The following MAST2 variants were observed in gnomAD, a reference collection of about 807,000 sequenced individuals.
MAST2 encodes microtubule associated serine/threonine kinase 2, also known as microtubule-associated serine/threonine-protein kinase 2.
MAST2 carries 70 observed loss-of-function variants against 147.4 expected under a neutral mutation model. The observed-to-expected ratio is 0.47, with a 90% CI of 0.39 to 0.58. The LOEUF (loss-of-function observed/expected upper bound fraction) is 0.58. MAST2 is among the 20% of genes least tolerant of loss of function. The pLI is 0.00. For missense variants in MAST2, 2,080 were observed against 2,302.3 expected (o/e 0.90, Z 1.98); for synonymous variants, 869 against 896.8 (o/e 0.97, Z 0.55).
chr1:45,813,318 GATTATT>G (rs548939315), intron 1 of MAST2, among the ~76,000 whole-genome samples: 1 of 151,632 alleles, frequency 6.6e-6, no homozygotes, highest in African/African-American at 2.4e-5. Context: ...GGTCCCATAA[GATTATT>G]ATTATTATTA....
intron 4 of MAST2, among the ~76,000 whole-genome samples, chr1:45,937,711 C>T (rs1396935969): frequency 7.6e-6 from 1 of 132,356 alleles, no homozygotes; most frequent in Non-Finnish European, 1.5e-5. Flanking sequence ...GAGATCACAC[C>T]ACTGTACTCC....
rs1014152411 is a variant in MAST2 at position 46,029,162 on chromosome 1, T to A, written c.2218+229T>A. ...TCTCATAGACACCTGGTCTCTCATATACACCTGGGTGTTCCTGTCTGTGTA... is the reference window on the plus strand; with the variant it reads ...TCTCATAGACACCTGGTCTCTCATAAACACCTGGGTGTTCCTGTCTGTGTA... On this transcript the variant is annotated intron_variant, in intron 18 of 28. Coordinates refer to ENST00000361297, the MANE Select transcript of MAST2 (RefSeq NM_015112.3). 4 of 563,724 alleles carry A rather than the reference T, an allele frequency of 7.1e-6. No homozygotes were observed. In the Admixed American group the frequency reaches 1.3e-4, roughly 18 times the overall value. 34.9% of individuals were successfully genotyped at this position (563,724 alleles called of 1,614,324 possible). A position where few individuals can be genotyped will look rare whatever the true frequency, so the allele number is the denominator to read the frequency against.
intron 4 of MAST2, among the ~76,000 whole-genome samples, chr1:45,908,597 A>T (rs1027798451): frequency 7.2e-5 from 11 of 152,144 alleles, no homozygotes; most frequent in African/African-American, 2.7e-4. Context: ...TTTATATTTT[A>T]TTGTAGTTGA....
intron 16 of MAST2, among the ~76,000 whole-genome samples, chr1:46,027,067 G>A (rs999396707): frequency 3.9e-5 from 6 of 152,176 alleles, no homozygotes; most frequent in African/African-American, 1.4e-4. Flanking sequence ...GCATGACTTT[G>A]TTTTGGACAG....
Position 45,882,498 on chromosome 1 carries a change from A to G in MAST2, c.500+103A>G, listed in dbSNP as rs537515316. 313 of 903,868 alleles carry G rather than the reference A, an allele frequency of 3.5e-4. 2 individuals carry two copies. The highest frequency in any genetic ancestry group is 9.6e-4 in the Middle Eastern group (4 of 4,162). 56.0% of individuals were successfully genotyped at this position (903,868 alleles called of 1,614,324 possible). A position where few individuals can be genotyped will look rare whatever the true frequency, so the allele number is the denominator to read the frequency against. ...GTGGAGGAATCCCGCTCAGTACACA[A>G]TTTCTTTCTGTGTACTCCTATCTGA... On this transcript the variant is annotated intron_variant, in intron 4 of 28. Transcript: ENST00000361297.
chr1:45,935,174 G>C (rs945256979), intron 4 of MAST2, among the ~76,000 whole-genome samples: 3 of 152,152 alleles, frequency 2.0e-5, no homozygotes, highest in African/African-American at 7.2e-5. Context: ...ATGTTGTCGT[G>C]TTTGTTGGCT....
rs1645490834 is a variant in MAST2, at chr1:46,006,469, A to G, written c.902+74A>G. 3 of 1,483,042 alleles carry G rather than the reference A, an allele frequency of 2.0e-6. No homozygotes were observed. In the South Asian group the frequency reaches 4.1e-5, roughly 20 times the overall value. 91.9% of individuals were successfully genotyped at this position (1,483,042 alleles called of 1,614,324 possible). A position where few individuals can be genotyped will look rare whatever the true frequency, so the allele number is the denominator to read the frequency against. Reference sequence around the variant, plus strand: ...GTTTGCATAACACAGAGGTGGGCACACTATGCTATAAGGGGCCAAGATAGT... The same window carrying G: ...GTTTGCATAACACAGAGGTGGGCACGCTATGCTATAAGGGGCCAAGATAGT... On this transcript the variant is annotated intron_variant, in intron 8 of 28. Transcript: ENST00000361297.
intron 3 of MAST2, among the ~76,000 whole-genome samples, chr1:45,876,828 G>A (rs1436191988): frequency 6.6e-6 from 1 of 152,128 alleles, no homozygotes; most frequent in Admixed American, 6.5e-5. Context: ...CCACGGATGC[G>A]CTTCCGTGCC....
At chr1:46,004,759 G>A (rs1645416931) in intron 7 of MAST2, among the ~76,000 whole-genome samples, 1 of 152,168 alleles carries the variant, frequency 6.6e-6, no homozygotes, top group South Asian at 2.1e-4. Context: ...ATCTCAGTGT[G>A]GTGCTTTAGC....
intron 5 of MAST2, among the ~76,000 whole-genome samples, chr1:45,985,477 C>T (rs1485845543): frequency 1.3e-5 from 2 of 152,198 alleles, no homozygotes; most frequent in African/African-American, 2.4e-5. Flanking sequence ...TAAAGTTTCC[C>T]TAGGTCCTTT....
intron 4 of MAST2, among the ~76,000 whole-genome samples, chr1:45,922,514 G>A (rs1397026327): frequency 1.3e-5 from 2 of 152,232 alleles, no homozygotes; most frequent in East Asian, 1.9e-4. Flanking sequence ...TGGCATGTCA[G>A]CACTACCCCG....
chr1:45,909,206 T>C (rs1651267758), intron 4 of MAST2, among the ~76,000 whole-genome samples: 1 of 152,200 alleles, frequency 6.6e-6, no homozygotes, highest in African/African-American at 2.4e-5. Flanking sequence ...GTCCCTGTTA[T>C]AATCTATAGA....
At chr1:45,891,079 T>A (rs1244288295) in intron 4 of MAST2, among the ~76,000 whole-genome samples, 1 of 152,190 alleles carries the variant, frequency 6.6e-6, no homozygotes, top group East Asian at 1.9e-4. Flanking sequence ...ATGTGGTATG[T>A]GTATGTGTAG....
chr1:46,029,078 CTCTGTGTT>C (rs1646530744), intron 18 of MAST2, 145 bp downstream of exon 18: 1 of 898,096 alleles, frequency 1.1e-6, no homozygotes, highest in South Asian at 1.8e-5. Flanking sequence ...GGATGGGTGT[CTCTGTGTT>C]TCTGCATGTA....
intron 5 of MAST2, among the ~76,000 whole-genome samples, chr1:45,976,281 C>G (rs1644153477): frequency 6.6e-6 from 1 of 151,948 alleles, no homozygotes; most frequent in African/African-American, 2.4e-5. Flanking sequence ...CCGGGGAAAA[C>G]TAAATACTCT....
intron 15 of MAST2, 34 bp downstream of exon 15, chr1:46,024,014 A>G (rs1428269635): frequency 1.2e-6 from 2 of 1,603,670 alleles, no homozygotes; most frequent in African/African-American, 1.3e-5. Flanking sequence ...CATGGAGGCC[A>G]AGGCACAGTC....
intron 1 of MAST2, among the ~76,000 whole-genome samples, chr1:45,808,429 G>A (rs189331023): frequency 6.6e-6 from 1 of 152,010 alleles, no homozygotes. Context: ...GGCTGGTCTC[G>A]AACTCCTGAG....
chr1:46,018,437 G>C (rs1051597377), intron 10 of MAST2, among the ~76,000 whole-genome samples: 1 of 152,090 alleles, frequency 6.6e-6, no homozygotes, highest in African/African-American at 2.4e-5. Flanking sequence ...ATTCAGAATA[G>C]TTTAAACAGT....
chr1:45,925,582 G>A (rs1369780662), intron 4 of MAST2, among the ~76,000 whole-genome samples: 1 of 152,164 alleles, frequency 6.6e-6, no homozygotes, highest in Non-Finnish European at 1.5e-5. Context: ...TAGGCCTGCT[G>A]GAGAGAGAAG....
Sources: allele counts gnomAD v4.1 joint callset (sites outside exome capture counted in the v4.1 genomes callset), GRCh38; gene constraint gnomAD v4.1.1; transcripts MANE v1.5; gene names NCBI Gene and HGNC (gene_info 2026-07-23, HGNC 2026-07-21).